PIP5K1C: variants seen among roughly 807,000 people sequenced by gnomAD.
PIP5K1C encodes phosphatidylinositol-4-phosphate 5-kinase type 1 gamma, also known as phosphatidylinositol 4-phosphate 5-kinase type-1 gamma.
In PIP5K1C, 45 loss-of-function variants were observed where a neutral mutation model predicts 80.1. The ratio of observed to expected loss-of-function variants is 0.56; its 90% CI spans 0.44 to 0.72. The LOEUF (loss-of-function observed/expected upper bound fraction) is 0.72. Ranked by LOEUF, PIP5K1C falls within the 30% of genes least tolerant of loss-of-function variation. The pLI is 0.00. For synonymous variants in PIP5K1C, 498 were observed against 420.1 expected (o/e 1.19, Z -2.27); for missense variants, 753 against 954.6 (o/e 0.79, Z 2.78).
chr19:3,675,871 T>A (rs1291619195), intron 1 of PIP5K1C, among the ~76,000 whole-genome samples: 2 of 152,166 alleles, frequency 1.3e-5, no homozygotes, highest in African/African-American at 4.8e-5. Flanking sequence ...ACCACAGATG[T>A]CTCCAGACAT....
chr19:3,652,459 G>A (rs1298061086), intron 7 of PIP5K1C, among the ~76,000 whole-genome samples: 3 of 152,204 alleles, frequency 2.0e-5, no homozygotes, highest in African/African-American at 4.8e-5. Context: ...GGTTTTCTGG[G>A]GGTATGGGTC....
At chr19:3,659,828 G>A (rs944931191) in intron 5 of PIP5K1C, among the ~76,000 whole-genome samples, 1 of 152,132 alleles carries the variant, frequency 6.6e-6, no homozygotes, top group Admixed American at 6.6e-5. Flanking sequence ...CCAAACGCAC[G>A]CACAGTCAGC....
At chr19:3,634,791 C>G (rs899503778) in intron 16 of PIP5K1C, among the ~76,000 whole-genome samples, 1 of 152,252 alleles carries the variant, frequency 6.6e-6, no homozygotes, top group African/African-American at 2.4e-5. Flanking sequence ...TGTGCTCACT[C>G]CACCCTGCCC....
chr19:3,683,935 C>CA (rs1240733736), intron 1 of PIP5K1C, among the ~76,000 whole-genome samples: 1 of 147,002 alleles, frequency 6.8e-6, no homozygotes, highest in Non-Finnish European at 1.5e-5. Context: ...ACACCCCCCC[C>CA]ACGCTGGAGC....
intron 16 of PIP5K1C, 46 bp from the exon 17 acceptor site, chr19:3,633,566 C>G: frequency 2.3e-6 from 3 of 1,317,866 alleles, no homozygotes; most frequent in Non-Finnish European, 3.0e-6. Context: ...GAGCAGGGTG[C>G]GAGGAGGTGC....
At position 3,630,199 on chromosome 19, in the gene PIP5K1C, TA is replaced by T. The variant is rs2033432343; in HGVS notation, c.*2967del. The T allele has an allele frequency of 6.6e-6, 1 of 152,378 alleles. No homozygotes were observed. The highest frequency in any genetic ancestry group is 2.4e-5 in the African/African-American group (1 of 41,426). 9.4% of individuals were successfully genotyped at this position (152,378 alleles called of 1,614,324 possible). A position where few individuals can be genotyped will look rare whatever the true frequency, so the allele number is the denominator to read the frequency against. On this transcript the variant is annotated 3_prime_UTR_variant, in exon 18 of 18. Transcript: ENST00000335312. ...ACAGGCGGATGCTTATTACCCGATT[TA>T]TTAGAGAGATCTCTAAAAAGACGGG... is the stretch of plus-strand genomic sequence containing the variant.
intron 1 of PIP5K1C, among the ~76,000 whole-genome samples, chr19:3,670,839 G>C (rs1398594370): frequency 6.6e-6 from 1 of 152,228 alleles, no homozygotes; most frequent in Admixed American, 6.5e-5. Context: ...GACGGAGGGA[G>C]TGGGGTGACT....
rs373387851 is a variant in PIP5K1C, at chr19:3,633,125, G to A, written c.*42C>T. 26 of 752,246 alleles carry A rather than the reference G, an allele frequency of 3.5e-5. No homozygotes were observed. Among genetic ancestry groups the A allele is most frequent in the Non-Finnish European group, 6.2e-5 (25 of 404,998 alleles). The allele number at this position is 752,246 out of a possible 1,614,324, so 46.6% of individuals were successfully genotyped here. A position where few individuals can be genotyped will look rare whatever the true frequency, so the allele number is the denominator to read the frequency against. ...GGCAGCGCCTTCGGGGGCAGCCGGA[G>A]CAGAAGTGGAGCTCGGCTCTGGGTC... On this transcript the variant is annotated 3_prime_UTR_variant, in exon 18 of 18. Coordinates refer to ENST00000335312, the MANE Select transcript of PIP5K1C (RefSeq NM_012398.3).
rs115281868 is a variant in PIP5K1C, at chr19:3,678,653, G to A, written c.95-11300C>T. Among the ~76,000 whole-genome samples the A allele has an allele frequency of 4.5e-3, 595 of 132,086 alleles. 7 individuals are homozygous for A. Among genetic ancestry groups the A allele is most frequent in the African/African-American group, 0.016 (559 of 34,396 alleles). 86.7% of individuals were successfully genotyped at this position (132,086 alleles called of 152,430 possible). On this transcript the variant is annotated intron_variant, in intron 1 of 17. Coordinates refer to ENST00000335312, the MANE Select transcript of PIP5K1C (RefSeq NM_012398.3). ...ATGGAAGGATGGAGGGAGAGATGGA[G>A]AGATGGCGAGATGGAGGGATGGCGA... is the stretch of plus-strand genomic sequence containing the variant.
At chr19:3,639,677 C>T (rs1412001513) in intron 15 of PIP5K1C, among the ~76,000 whole-genome samples, 1 of 152,040 alleles carries the variant, frequency 6.6e-6, no homozygotes, top group Non-Finnish European at 1.5e-5. Flanking sequence ...AGCGATCCTC[C>T]TGCCTCAGCC....
chr19:3,654,872 T>C (rs1320158043), intron 6 of PIP5K1C, among the ~76,000 whole-genome samples: 2 of 145,636 alleles, frequency 1.4e-5, no homozygotes, highest in Admixed American at 1.4e-4. Context: ...TCCTAGCACT[T>C]TGGGAGGCCA....
intron 1 of PIP5K1C, among the ~76,000 whole-genome samples, chr19:3,680,429 C>T (rs1317470704): frequency 3.3e-5 from 5 of 152,136 alleles, no homozygotes; most frequent in Non-Finnish European, 2.9e-5. Context: ...CTCAGCCTCC[C>T]GAGTAGCTGG....
chr19:3,698,164 A>G (rs908623540), intron 1 of PIP5K1C, among the ~76,000 whole-genome samples: 1 of 152,236 alleles, frequency 6.6e-6, no homozygotes, highest in Non-Finnish European at 1.5e-5. Flanking sequence ...AACCACGGGC[A>G]TGGGCCTCAG....
At chr19:3,671,473 C>G (rs2035202521) in intron 1 of PIP5K1C, among the ~76,000 whole-genome samples, 1 of 152,206 alleles carries the variant, frequency 6.6e-6, no homozygotes, top group South Asian at 2.1e-4. Flanking sequence ...AGCTGGCTAA[C>G]GGGGAGAGGA....
chr19:3,654,342 A>G (rs2034548958), intron 6 of PIP5K1C, among the ~76,000 whole-genome samples: 1 of 152,194 alleles, frequency 6.6e-6, no homozygotes, highest in African/African-American at 2.4e-5. Flanking sequence ...CCTCTCAATG[A>G]CGAACCCAGT....
intron 8 of PIP5K1C, chr19:3,649,883 C>G (rs1478652621): frequency 1.8e-5 from 5 of 283,186 alleles, no homozygotes; most frequent in African/African-American, 1.2e-4. Context: ...GTCCCCTGCC[C>G]AGCGCGGTTA....
intron 12 of PIP5K1C, 126 bp downstream of exon 12, chr19:3,643,961 G>A (rs568847384): frequency 5.3e-6 from 6 of 1,138,474 alleles, no homozygotes; most frequent in East Asian, 5.1e-5. Context: ...CTGGGCAGGC[G>A]GCCCTGCAGA....
At chr19:3,677,223 G>A (rs556155012) in intron 1 of PIP5K1C, among the ~76,000 whole-genome samples, 1 of 152,326 alleles carries the variant, frequency 6.6e-6, no homozygotes, top group African/African-American at 2.4e-5. Context: ...CCACTGCAGC[G>A]GAAGTGCTGG....
At position 3,676,242 on chromosome 19, in the gene PIP5K1C, C is replaced by T. The variant is rs958930409; in HGVS notation, c.95-8889G>A. Among the ~76,000 whole-genome samples the T allele has an allele frequency of 2.0e-5, 3 of 152,174 alleles. 1 individual carries two copies. Among genetic ancestry groups the T allele is most frequent in the African/African-American group, 4.8e-5 (2 of 41,450 alleles). Reference sequence around the variant, plus strand: ...GCAGCACCCGACTGATGGTCCCCACCGGGAAGTGATGAGAGATGTGAACTC... The same window carrying T: ...GCAGCACCCGACTGATGGTCCCCACTGGGAAGTGATGAGAGATGTGAACTC... On this transcript the variant is annotated intron_variant, in intron 1 of 17. Transcript: ENST00000335312.
Sources: allele counts gnomAD v4.1 joint callset (sites outside exome capture counted in the v4.1 genomes callset), GRCh38; gene constraint gnomAD v4.1.1; transcripts MANE v1.5; gene names NCBI Gene and HGNC (gene_info 2026-07-23, HGNC 2026-07-21).